PPP2R2C: variants seen among roughly 807,000 people sequenced by gnomAD.
The protein encoded by PPP2R2C is protein phosphatase 2 regulatory subunit Bgamma.
Under a neutral mutation model 45.3 loss-of-function variants are expected in PPP2R2C, and 10 were observed. The observed-to-expected ratio is 0.22, with a 90% CI of 0.14 to 0.37. The LOEUF is 0.37. Among genes scored for constraint, PPP2R2C ranks in the 10% least tolerant of loss-of-function variants. The pLI is 1.00. For missense variants in PPP2R2C, 308 were observed against 619.7 expected (o/e 0.50, Z 5.34); for synonymous variants, 257 against 245.4 (o/e 1.05, Z -0.44).
chr4:6,328,147 C>T lies in PPP2R2C; in HGVS notation c.1052+1115G>A, dbSNP rs949480996. Among the ~76,000 whole-genome samples, 2 of 152,172 alleles carry T rather than the reference C, an allele frequency of 1.3e-5. No individual in the cohort carries two copies. Among genetic ancestry groups the T allele is most frequent in the African/African-American group, 4.8e-5 (2 of 41,442 alleles). On this transcript the variant is annotated intron_variant, in intron 8 of 8. Coordinates refer to ENST00000382599, the MANE Select transcript of PPP2R2C (RefSeq NM_020416.4). The surrounding 1 kb of genome is among the most constrained non-coding windows in gnomAD (Gnocchi z 4.4). The stretch of plus-strand genomic sequence containing the variant: ...GATGCCATCCACAGGGTGGACAGCC[C>T]CCCACCAGGTGATGCCCAAGTCAGG...
In PPP2R2C at chr4:6,472,400, G is replaced by A. The variant is rs1340345477; in HGVS notation, c.-171C>T. On this transcript the variant is annotated 5_prime_UTR_variant, in exon 1 of 9. Transcript: ENST00000382599. The stretch of plus-strand genomic sequence containing the variant: ...GGGGGACGGGCGGGGGCGGCCGGGG[G>A]CGGGCGCCGCGGTCAAGCGAGCGCG... 3.1e-5 allele frequency: 28 copies of A among 892,988 alleles called. No homozygotes were observed. The highest frequency in any genetic ancestry group is 3.5e-5 in the Non-Finnish European group (26 of 747,032). 55.3% of individuals were successfully genotyped at this position (892,988 alleles called of 1,614,324 possible).
intron 5 of PPP2R2C, among the ~76,000 whole-genome samples, chr4:6,359,506 A>C (rs1713537294): frequency 1.3e-5 from 2 of 152,194 alleles, no homozygotes; most frequent in South Asian, 2.1e-4. Context: ...AAAGCACTTG[A>C]AATGTAGCTA....
In PPP2R2C at chr4:6,323,447, C is replaced by T. The variant is rs747148764; in HGVS notation, c.1199G>A (p.Arg400Gln). 21 of 1,613,352 alleles carry T rather than the reference C, an allele frequency of 1.3e-5. No individual in the cohort carries two copies. Among genetic ancestry groups the T allele is most frequent in the Admixed American group, 3.3e-5 (2 of 60,004 alleles). Residue 400 changes from arginine to glutamine, a missense_variant, in exon 9 of 9, where the codon CGG becomes CAG. Coordinates refer to ENST00000382599, the MANE Select transcript of PPP2R2C (RefSeq NM_020416.4). The stretch of plus-strand genomic sequence containing the variant: ...GCTGTCCACACTGATGTCATCACGC[C>T]GGCGCTTGCCCCCCACGCACACGCG... ...PRRVCVGGKR[R>Q]RDDISVDSLD... is the part of the protein sequence containing the mutation.
chr4:6,527,294 C>T (rs1302306197), intron 2 of PPP2R2C, among the ~76,000 whole-genome samples: 3 of 152,202 alleles, frequency 2.0e-5, no homozygotes, highest in Non-Finnish European at 4.4e-5. Flanking sequence ...AGGAATGCAC[C>T]GGACAAGCTG....
At chr4:6,469,506 T>C (rs1040816653) in intron 1 of PPP2R2C, among the ~76,000 whole-genome samples, 1 of 152,172 alleles carries the variant, frequency 6.6e-6, no homozygotes, top group Non-Finnish European at 1.5e-5. Context: ...GGCATATAAA[T>C]AATAACAATG....
chr4:6,412,299 G>C (rs1718244873), intron 1 of PPP2R2C, among the ~76,000 whole-genome samples: 1 of 152,096 alleles, frequency 6.6e-6, no homozygotes, highest in East Asian at 1.9e-4. Flanking sequence ...ACAACGTTCA[G>C]GGGCTGTGCA....
intron 2 of PPP2R2C, among the ~76,000 whole-genome samples, chr4:6,497,892 G>A (rs960680313): frequency 6.6e-6 from 1 of 152,198 alleles, no homozygotes; most frequent in Non-Finnish European, 1.5e-5. Context: ...GGCTCTGCAG[G>A]GAAATGGAAA....
intron 2 of PPP2R2C, among the ~76,000 whole-genome samples, chr4:6,509,802 C>T (rs760005094): frequency 6.6e-6 from 1 of 152,200 alleles, no homozygotes; most frequent in Non-Finnish European, 1.5e-5. Context: ...CCTTAGGTTT[C>T]CATGGTGATC....
At position 6,331,790 on chromosome 4, in the gene PPP2R2C, G is replaced by C. The variant is rs1352690394; in HGVS notation, c.960+1772C>G. On this transcript the variant is annotated intron_variant, in intron 7 of 8. Transcript: ENST00000382599. The surrounding 1 kb of genome is among the most constrained non-coding windows in gnomAD (Gnocchi z 5.9). ...ACTGTGGCGCTGCCGGGGTCATGGA[G>C]CCCCCCCACCTTCCTGGACTGCCCT... Among the ~76,000 whole-genome samples the C allele has an allele frequency of 6.6e-6, 1 of 152,054 alleles. No homozygotes were observed. Among genetic ancestry groups the C allele is most frequent in the African/African-American group, 2.4e-5 (1 of 41,398 alleles).
chr4:6,323,797 G>T (rs541611909), intron 8 of PPP2R2C, among the ~76,000 whole-genome samples: 1 of 152,032 alleles, frequency 6.6e-6, no homozygotes, highest in South Asian at 2.1e-4. Context: ...AATGACCGTA[G>T]TCCCAGCTAT....
chr4:6,471,551 CAAT>C lies in PPP2R2C; in HGVS notation c.70+606_70+608del, dbSNP rs1721883321. On this transcript the variant is annotated intron_variant, in intron 1 of 8. Coordinates refer to ENST00000382599, the MANE Select transcript of PPP2R2C (RefSeq NM_020416.4). The surrounding 1 kb of genome is among the most constrained non-coding windows in gnomAD (Gnocchi z 5.6). Reference sequence around the variant, plus strand: ...ACAGTTAGCCCAGCTGCTCCTGTCTCAATATAACTCACCAGGAATAAAAAGGCC... The same window carrying C: ...ACAGTTAGCCCAGCTGCTCCTGTCTCATAACTCACCAGGAATAAAAAGGCC... 2 of 152,388 alleles carry C rather than the reference CAAT, an allele frequency of 1.3e-5. No individual in the cohort carries two copies. The highest frequency in any genetic ancestry group is 4.1e-4 in the South Asian group (2 of 4,824). 9.4% of individuals were successfully genotyped at this position (152,388 alleles called of 1,614,324 possible).
chr4:6,469,880 C>G (rs1721775224), intron 1 of PPP2R2C, among the ~76,000 whole-genome samples: 1 of 152,236 alleles, frequency 6.6e-6, no homozygotes, highest in African/African-American at 2.4e-5. Flanking sequence ...ATCCTGCTCT[C>G]TGCATCCGCA....
In PPP2R2C at chr4:6,378,617, G is replaced by C. The variant is rs1021050831; in HGVS notation, c.169-45C>G. 27 of 1,581,522 alleles carry C rather than the reference G, an allele frequency of 1.7e-5. No individual in the cohort carries two copies. The highest frequency in any genetic ancestry group is 2.3e-5 in the Non-Finnish European group (27 of 1,161,520). ...AGGGGCCTGAGCACCGTGACCTGCA[G>C]GGCGACGGCTAGGACCTCCGGGGAC... On this transcript the variant is annotated intron_variant, in intron 2 of 8. Coordinates refer to ENST00000382599, the MANE Select transcript of PPP2R2C (RefSeq NM_020416.4). This position sits in a 1 kb window ranked among gnomAD's most constrained non-coding sequence, Gnocchi z 5.2.
chr4:6,395,823 A>AGCATCCTGGTAGCCCCCCAGCTGCAGGC (rs1716991800), intron 1 of PPP2R2C, among the ~76,000 whole-genome samples: 1 of 152,116 alleles, frequency 6.6e-6, no homozygotes, highest in Admixed American at 6.5e-5. Context: ...ACTGGCAAGG[A>AGCATCCTGGTAGCCCCCCAGCTGCAGGC]GCATCCTGGT....
intron 1 of PPP2R2C, among the ~76,000 whole-genome samples, chr4:6,433,702 T>C (rs1041061617): frequency 3.3e-5 from 5 of 152,164 alleles, no homozygotes; most frequent in Non-Finnish European, 7.3e-5. Flanking sequence ...TTGTGCCAGG[T>C]TCTGTCCTCA....
intron 1 of PPP2R2C, among the ~76,000 whole-genome samples, chr4:6,455,991 G>A (rs188601519): frequency 6.8e-6 from 1 of 146,226 alleles, no homozygotes; most frequent in African/African-American, 2.5e-5. Flanking sequence ...GAAATCCTGG[G>A]GGGGGGGAGC....
chr4:6,357,281 G>A (rs758412213), intron 5 of PPP2R2C, among the ~76,000 whole-genome samples: 4 of 152,226 alleles, frequency 2.6e-5, no homozygotes, highest in Non-Finnish European at 5.9e-5. Flanking sequence ...CCCTGGAGGG[G>A]CCCGGGGACC....
chr4:6,518,879 C>G (rs1046251806), intron 2 of PPP2R2C, among the ~76,000 whole-genome samples: 5 of 130,008 alleles, frequency 3.8e-5, no homozygotes, highest in African/African-American at 1.2e-4. Context: ...GACAAGATCA[C>G]ACCATTGCAC....
intron 1 of PPP2R2C, among the ~76,000 whole-genome samples, chr4:6,449,939 C>T (rs1401948249): frequency 2.6e-5 from 4 of 152,332 alleles, no homozygotes; most frequent in Non-Finnish European, 4.4e-5. Flanking sequence ...GCAGAGGCTT[C>T]GGCGCCACCT....
Sources: gnomAD v4.1 joint callset for allele counts (sites outside exome capture counted in the v4.1 genomes callset) on GRCh38, gnomAD v4.1.1 for gene constraint, Gnocchi (gnomAD v3.1) non-coding constraint, MANE v1.5 for transcripts, NCBI Gene and HGNC (gene_info 2026-07-23, HGNC 2026-07-21) for gene names.